The following UBE4B variants were observed in gnomAD, a reference collection of about 807,000 sequenced individuals.
UBE4B encodes the protein ubiquitination factor E4B, also known as ubiquitin conjugation factor E4 B.
A neutral mutation model predicts 148.1 loss-of-function variants in UBE4B; 27 were observed. That is an observed-to-expected ratio of 0.18 (90% CI 0.13 to 0.25). The LOEUF (loss-of-function observed/expected upper bound fraction) is 0.25. Among genes scored for constraint, UBE4B ranks in the 10% least tolerant of loss-of-function variants. The probability of loss-of-function intolerance (pLI) is 1.00; values close to 1 mark genes in which losing one functional copy is unlikely to be tolerated. For synonymous variants in UBE4B, 596 were observed against 619.3 expected (o/e 0.96, Z 0.56); for missense variants, 1,170 against 1,662.4 (o/e 0.70, Z 5.15).
chr1:10,163,755 T>C (rs1646204451), intron 23 of UBE4B, among the ~76,000 whole-genome samples: 1 of 151,434 alleles, frequency 6.6e-6, no homozygotes, highest in Non-Finnish European at 1.5e-5. Flanking sequence ...TTTTTATTAT[T>C]AAATTATTTT....
Position 10,033,675 on chromosome 1 carries a change from A to C in UBE4B, c.5A>C (p.Glu2Ala). M[E>A]ELSADEIRRR... ...TTCACCATTAAGAGGAAAGCGATGG[A>C]GGAGCTGAGCGCTGATGAGGTGAGG... is the stretch of plus-strand genomic sequence containing the variant. The change falls in exon 1 of 28, where the codon GAG becomes GCG. Residue 2 changes from glutamate (E) to alanine (A), a missense_variant. Transcript: ENST00000343090. The C allele has an allele frequency of 6.4e-7, 1 of 1,571,412 alleles. No homozygotes were observed. Among genetic ancestry groups the C allele is most frequent in the African/African-American group, 1.4e-5 (1 of 72,312 alleles).
At chr1:10,114,791 A>T (rs1246082982) in intron 7 of UBE4B, among the ~76,000 whole-genome samples, 1 of 152,108 alleles carries the variant, frequency 6.6e-6, no homozygotes, top group Admixed American at 6.5e-5. Context: ...TTGAACCCAG[A>T]AGGCGGAGTT....
intron 18 of UBE4B, chr1:10,145,305 T>A (rs1645851137): frequency 8.6e-6 from 2 of 233,266 alleles, no homozygotes; most frequent in Non-Finnish European, 1.7e-5. Context: ...CAGTTTAACA[T>A]CACCTCCCTT....
intron 2 of UBE4B, among the ~76,000 whole-genome samples, chr1:10,078,340 G>A (rs145011969): frequency 6.6e-6 from 1 of 152,098 alleles, no homozygotes; most frequent in African/African-American, 2.4e-5. Flanking sequence ...AAAATGTAGG[G>A]CTTACTGCAG....
intron 1 of UBE4B, among the ~76,000 whole-genome samples, chr1:10,041,412 G>T (rs2101772694): frequency 6.8e-6 from 1 of 147,384 alleles, no homozygotes; most frequent in Non-Finnish European, 1.5e-5. Flanking sequence ...TCGGCTCACT[G>T]CAACCTCTGC....
At chr1:10,111,185 C>A (rs1046945243) in intron 7 of UBE4B, among the ~76,000 whole-genome samples, 3 of 151,604 alleles carry the variant, frequency 2.0e-5, no homozygotes, top group African/African-American at 7.3e-5. Context: ...GTCTACAAGG[C>A]CCTGCATCTC....
chr1:10,068,029 GTTT>G (rs1204563688), intron 1 of UBE4B, among the ~76,000 whole-genome samples: 1 of 136,516 alleles, frequency 7.3e-6, no homozygotes, highest in African/African-American at 2.7e-5. Flanking sequence ...TGCCTGGCCA[GTTT>G]TTTTTTTTTT....
Position 10,106,263 on chromosome 1 carries a change from T to C in UBE4B, c.876T>C (p.Ser292=). The C allele has an allele frequency of 1.2e-5, 20 of 1,614,132 alleles. No individual in the cohort carries two copies. Among genetic ancestry groups the C allele is most frequent in the Non-Finnish European group, 1.6e-5 (19 of 1,179,980 alleles). ...FWSSVPVMGP[S]LASPSRAASQ... is the part of the protein sequence containing the mutation. ...GCTCTGTTCCCGTGATGGGCCCGTC[T>C]CTTGCCTCACCTTCCCGTGCAGCCA... The change falls in exon 7 of 28, where the codon TCT becomes TCC. Residue 292 remains serine (S), a synonymous_variant. Transcript: ENST00000343090. This position sits in a 1 kb window ranked among gnomAD's most constrained non-coding sequence, Gnocchi z 4.2.
intron 1 of UBE4B, among the ~76,000 whole-genome samples, chr1:10,055,981 G>A (rs893350189): frequency 6.6e-6 from 1 of 152,122 alleles, no homozygotes; most frequent in Non-Finnish European, 1.5e-5. Context: ...AGTCATCTAC[G>A]TTAATCTTGT....
chr1:10,054,568 G>A (rs954909239), intron 1 of UBE4B: 34 of 298,536 alleles, frequency 1.1e-4, no homozygotes, highest in Middle Eastern at 1.1e-3. Context: ...TCCTTCATGA[G>A]TTTTAGGAAA....
In UBE4B at chr1:10,072,302, T is replaced by G. The variant is rs1644500360; in HGVS notation, c.211+88T>G. On this transcript the variant is annotated intron_variant, in intron 2 of 27. Transcript: ENST00000343090. ...TGGTTGTGATGTTTCCAGAACAGAT[T>G]AAAATGAAGCAGACATCAGCTCTTT... 2.1e-6 allele frequency: 3 copies of G among 1,455,354 alleles called. No individual in the cohort carries two copies. The South Asian group carries it at 3.8e-5, about 19-fold the overall frequency. 90.2% of individuals were successfully genotyped at this position (1,455,354 alleles called of 1,614,324 possible). A position where few individuals can be genotyped will look rare whatever the true frequency, so the allele number is the denominator to read the frequency against.
At chr1:10,119,386 A>C in intron 8 of UBE4B, 127 bp from the exon 9 acceptor site, 1 of 819,954 alleles carries the variant, frequency 1.2e-6, no homozygotes, top group East Asian at 2.9e-5. Context: ...TAGCTCGTTC[A>C]CTAAGAATAA....
At position 10,125,113 on chromosome 1, in the gene UBE4B, G is replaced by T. The variant is rs571334117; in HGVS notation, c.1555-1681G>T. ...TGCACTCCAGCCTGTGCGACAGAGT[G>T]AAATTGTGTCTGGAAAAAAGAAAAA... is the stretch of plus-strand genomic sequence containing the variant. On this transcript the variant is annotated intron_variant, in intron 10 of 27. Coordinates refer to ENST00000343090, the MANE Select transcript of UBE4B (RefSeq NM_001105562.3). Among the ~76,000 whole-genome samples the T allele has an allele frequency of 2.3e-4, 35 of 152,262 alleles. 1 individual carries two copies. The South Asian group carries it at 7.2e-3, about 32-fold the overall frequency.
chr1:10,134,877 T>C, intron 15 of UBE4B, 111 bp from the exon 16 acceptor site: 1 of 851,354 alleles, frequency 1.2e-6, no homozygotes, highest in Admixed American at 2.5e-5. Context: ...AGGTGGAGGT[T>C]GCAGCCAAGA....
intron 21 of UBE4B, 56 bp downstream of exon 21, chr1:10,151,617 T>G: frequency 2.0e-6 from 3 of 1,471,938 alleles, no homozygotes; most frequent in Non-Finnish European, 2.8e-6. Context: ...TAAGGTCATC[T>G]AAAGCTAGTG....
At chr1:10,098,866 T>A (rs1381123125) in intron 3 of UBE4B, among the ~76,000 whole-genome samples, 1 of 152,242 alleles carries the variant, frequency 6.6e-6, no homozygotes, top group African/African-American at 2.4e-5. Context: ...GACTGCTATT[T>A]CTTCTTGTAT....
chr1:10,128,587 T>C (rs982303798), intron 11 of UBE4B: 1 of 152,256 alleles, frequency 6.6e-6, no homozygotes, highest in African/African-American at 2.4e-5. Context: ...AGGCTTCCCA[T>C]GTGATCCTAA....
chr1:10,039,872 T>C (rs1158218876), intron 1 of UBE4B, among the ~76,000 whole-genome samples: 1 of 152,064 alleles, frequency 6.6e-6, no homozygotes, highest in Non-Finnish European at 1.5e-5. Context: ...CTGTTGTTGC[T>C]GTATAGGAGC....
chr1:10,041,479 C>G (rs1643761445), intron 1 of UBE4B, among the ~76,000 whole-genome samples: 1 of 151,756 alleles, frequency 6.6e-6, no homozygotes, highest in African/African-American at 2.4e-5. Flanking sequence ...TGATTACAGG[C>G]TCCCGCCAGC....
Sources: gnomAD v4.1 joint callset for allele counts (sites outside exome capture counted in the v4.1 genomes callset) on GRCh38, gnomAD v4.1.1 for gene constraint, Gnocchi (gnomAD v3.1) non-coding constraint, MANE v1.5 for transcripts, NCBI Gene and HGNC (gene_info 2026-07-23, HGNC 2026-07-21) for gene names.